The following CALU variants were observed in gnomAD, a reference collection of about 807,000 sequenced individuals.
CALU encodes IEF SSP 9302.
In CALU, 13 loss-of-function variants were observed where a neutral mutation model predicts 37.5. That is an observed-to-expected ratio of 0.35 (90% confidence interval 0.23 to 0.55). The LOEUF (loss-of-function observed/expected upper bound fraction) is 0.55. CALU is among the 20% of genes least tolerant of loss of function. CALU has a pLI of 0.89. For synonymous variants in CALU, 114 were observed against 133.8 expected (o/e 0.85, Z 1.02); for missense variants, 282 against 391.7 (o/e 0.72, Z 2.36).
At chr7:128,739,455 C>G (rs1014611173) in intron 1 of CALU, 23 bp downstream of exon 1, 3 of 152,594 alleles carry the variant, frequency 2.0e-5, no homozygotes, top group African/African-American at 7.2e-5. Flanking sequence ...ATGCCCAGCC[C>G]CTTCACCACT....
chr7:128,755,219 G>T (rs535419370), intron 3 of CALU, among the ~76,000 whole-genome samples: 1 of 149,410 alleles, frequency 6.7e-6, no homozygotes, highest in East Asian at 2.0e-4. Context: ...GGCTAAGGTG[G>T]GAGGATCACT....
At chr7:128,741,860 T>G (rs545814398) in intron 1 of CALU, among the ~76,000 whole-genome samples, 3 of 152,362 alleles carry the variant, frequency 2.0e-5, no homozygotes, top group East Asian at 3.9e-4. Context: ...AACTTTTTTC[T>G]TTAAAAAGTT....
intron 1 of CALU, among the ~76,000 whole-genome samples, chr7:128,746,077 T>G (rs1033138724): frequency 6.6e-6 from 1 of 152,216 alleles, no homozygotes; most frequent in Non-Finnish European, 1.5e-5. Flanking sequence ...TTGACGTTGT[T>G]TTGAACCTTG....
At chr7:128,749,058 C>G (rs1170891958) in intron 2 of CALU, among the ~76,000 whole-genome samples, 1 of 152,168 alleles carries the variant, frequency 6.6e-6, no homozygotes, top group African/African-American at 2.4e-5. Flanking sequence ...CTGCAAGACC[C>G]AACTTGAACT....
Position 128,772,445 on chromosome 7 carries a change from T to G in CALU, c.*3278T>G, listed in dbSNP as rs1045209880. ...ATCACTCCTTTTACCATCTTTTTTG[T>G]GTTTTTAGTAGTTTGGTTTCTGACG... On this transcript the variant is annotated 3_prime_UTR_variant, in exon 7 of 7. Coordinates refer to ENST00000249364, the MANE Select transcript of CALU (RefSeq NM_001219.5). The G allele has an allele frequency of 4.1e-6, 6 of 1,473,482 alleles. No individual in the cohort carries two copies. Among genetic ancestry groups the G allele is most frequent in the African/African-American group, 2.8e-5 (2 of 71,500 alleles). The allele number at this position is 1,473,482 out of a possible 1,614,324, so 91.3% of individuals were successfully genotyped here. A position where few individuals can be genotyped will look rare whatever the true frequency, so the allele number is the denominator to read the frequency against.
At chr7:128,749,715 T>C (rs762287079) in intron 2 of CALU, among the ~76,000 whole-genome samples, 4 of 152,214 alleles carry the variant, frequency 2.6e-5, no homozygotes, top group Non-Finnish European at 4.4e-5. Flanking sequence ...TATTTTTTCA[T>C]TGGGTTATCT....
At chr7:128,765,606 T>C (rs1160251376) in intron 5 of CALU, among the ~76,000 whole-genome samples, 1 of 152,272 alleles carries the variant, frequency 6.6e-6, no homozygotes, top group Non-Finnish European at 1.5e-5. Flanking sequence ...GTGATATGGC[T>C]CTTAAGTGTT....
Position 128,748,727 on chromosome 7 carries a change from C to A in CALU, c.144C>A (p.Asp48Glu). The part of the protein sequence containing the change: ...VHNDAQSFDY[D>E]HDAFLGAEEA... ...ATGATGCTCAGAGTTTTGATTATGACCATGATGCCTTCTTGGGTGCTGAAG... is the reference window on the plus strand; with the variant it reads ...ATGATGCTCAGAGTTTTGATTATGAACATGATGCCTTCTTGGGTGCTGAAG... The change falls in exon 2 of 7, where the codon GAC becomes GAA. Residue 48 changes from aspartate to glutamate, a missense_variant. Coordinates refer to ENST00000249364, the MANE Select transcript of CALU (RefSeq NM_001219.5). 1 of 1,614,176 alleles carries A rather than the reference C, an allele frequency of 6.2e-7. No individual in the cohort carries two copies. The highest frequency in any genetic ancestry group is 8.5e-7 in the Non-Finnish European group (1 of 1,179,998).
chr7:128,750,112 C>T (rs1272414130), intron 2 of CALU, among the ~76,000 whole-genome samples: 1 of 151,288 alleles, frequency 6.6e-6, no homozygotes, highest in Non-Finnish European at 1.5e-5. Flanking sequence ...CCTGTAGTCC[C>T]AGCTACTTGG....
At chr7:128,767,819 G>A (rs1801394592) in intron 6 of CALU, among the ~76,000 whole-genome samples, 164 bp downstream of exon 6, 1 of 152,198 alleles carries the variant, frequency 6.6e-6, no homozygotes. Flanking sequence ...GGCAGCACTA[G>A]CTATCTGATC....
At chr7:128,764,373 C>T (rs940531056) in intron 5 of CALU, among the ~76,000 whole-genome samples, 2 of 152,082 alleles carry the variant, frequency 1.3e-5, no homozygotes, top group Non-Finnish European at 2.9e-5. Context: ...TTGCAGTGCA[C>T]CGTTATTGTA....
At chr7:128,745,423 T>C (rs1800393512) in intron 1 of CALU, among the ~76,000 whole-genome samples, 1 of 150,064 alleles carries the variant, frequency 6.7e-6, no homozygotes, top group East Asian at 1.9e-4. Flanking sequence ...CTGGGCAACA[T>C]AGTGAGACTC....
intron 6 of CALU, 49 bp downstream of exon 6, chr7:128,767,704 C>T (rs369297705): frequency 6.9e-7 from 1 of 1,448,306 alleles, no homozygotes. Flanking sequence ...AAGTATGCTT[C>T]TAGGGGATCA....
intron 5 of CALU, among the ~76,000 whole-genome samples, chr7:128,763,561 A>G (rs1357703341): frequency 1.3e-5 from 2 of 152,158 alleles, no homozygotes; most frequent in Non-Finnish European, 2.9e-5. Context: ...ATAAAAATAG[A>G]AATTCAAATA....
chr7:128,743,648 C>T (rs1449251535), intron 1 of CALU, among the ~76,000 whole-genome samples: 2 of 151,884 alleles, frequency 1.3e-5, no homozygotes, highest in African/African-American at 2.4e-5. Flanking sequence ...TCAGCTTCCC[C>T]GGTAGCTGGG....
intron 3 of CALU, among the ~76,000 whole-genome samples, chr7:128,756,202 T>C (rs1269335127): frequency 6.6e-6 from 1 of 152,054 alleles, no homozygotes; most frequent in Non-Finnish European, 1.5e-5. Context: ...AAGCAAAGAG[T>C]AGGCTATTGG....
chr7:128,763,339 A>G (rs1027416471), intron 5 of CALU, among the ~76,000 whole-genome samples: 7 of 151,698 alleles, frequency 4.6e-5, no homozygotes, highest in Non-Finnish European at 8.8e-5. Context: ...CACCAGCCTG[A>G]CCAACCTGGT....
At chr7:128,755,250 A>C (rs142314273) in intron 3 of CALU, among the ~76,000 whole-genome samples, 1,553 of 136,620 alleles carry the variant, frequency 0.011, 31 homozygotes, top group African/African-American at 0.041. Context: ...AGGTTGAGGC[A>C]GCTGCGAGCC....
At chr7:128,740,400 G>A (rs1041588010) in intron 1 of CALU, among the ~76,000 whole-genome samples, 5 of 152,212 alleles carry the variant, frequency 3.3e-5, no homozygotes, top group African/African-American at 1.2e-4. Flanking sequence ...TTTTGTTCTA[G>A]TAGCTTATTC....
Sources: allele counts gnomAD v4.1 joint callset (sites outside exome capture counted in the v4.1 genomes callset), GRCh38; gene constraint gnomAD v4.1.1; transcripts MANE v1.5; gene names NCBI Gene and HGNC (gene_info 2026-07-23, HGNC 2026-07-21).